ALK: variants seen among roughly 807,000 people sequenced by gnomAD.
ALK encodes the protein ALK receptor tyrosine kinase, also known as ALK tyrosine kinase receptor.
A neutral mutation model predicts 163.1 loss-of-function variants in ALK; 74 were observed. The observed-to-expected ratio is 0.45, with a 90% CI of 0.38 to 0.55. The LOEUF is 0.55. Ranked by LOEUF, ALK falls within the 20% of genes least tolerant of loss-of-function variation. The pLI, the probability that ALK is intolerant of heterozygous loss-of-function variation, is 0.00. For synonymous variants in ALK, 960 were observed against 843.2 expected, an observed-to-expected ratio of 1.14 and a Z score of -2.40; for missense variants, 2,063 against 2,105.3, an observed-to-expected ratio of 0.98 and a Z score of 0.39.
At chr2:29,380,008 T>C (rs944461639) in intron 5 of ALK, among the ~76,000 whole-genome samples, 5 of 151,970 alleles carry the variant, frequency 3.3e-5, no homozygotes, top group African/African-American at 1.2e-4. Flanking sequence ...GGGGAGGCCT[T>C]AGGAAACTTG....
In ALK at chr2:29,227,024, G is replaced by T; in HGVS notation, c.2965C>A (p.His989Asn). 1.9e-6 allele frequency: 3 copies of T among 1,614,152 alleles called. No individual in the cohort carries two copies. In the South Asian group the frequency reaches 3.3e-5, roughly 18 times the overall value. Residue 989 changes from histidine (H) to asparagine (N), a missense_variant, in exon 18 of 29, where the codon CAC (histidine) becomes AAC (asparagine). Transcript: ENST00000389048. The surrounding 1 kb of genome is among the most constrained non-coding windows in gnomAD (Gnocchi z 4.4). The stretch of plus-strand genomic sequence containing the variant: ...ATGTGACATTCGTCTACCTCACAGT[G>T]ACTGCAGTTTAGATAATGCTTAATA... ...VNIKHYLNCSHCEVDECHMDP... is the reference protein window; with the variant it reads ...VNIKHYLNCSNCEVDECHMDP...
At chr2:29,704,989 G>A (rs761632382) in intron 2 of ALK, among the ~76,000 whole-genome samples, 16 of 151,650 alleles carry the variant, frequency 1.1e-4, no homozygotes, top group Middle Eastern at 3.4e-3. Flanking sequence ...AGGCCAAGGC[G>A]GATGGATCAC....
At chr2:29,697,893 C>A (rs1678620059) in intron 2 of ALK, among the ~76,000 whole-genome samples, 1 of 152,244 alleles carries the variant, frequency 6.6e-6, no homozygotes, top group Non-Finnish European at 1.5e-5. Context: ...GATTGTCTCC[C>A]AATGGGTGTC....
intron 11 of ALK, among the ~76,000 whole-genome samples, chr2:29,255,395 G>A (rs568901581): frequency 3.5e-4 from 53 of 152,300 alleles, no homozygotes; most frequent in African/African-American, 1.3e-3. Context: ...ACAGATTCTA[G>A]GGACCTGGAG....
chr2:29,574,124 C>T (rs1476754342), intron 3 of ALK, among the ~76,000 whole-genome samples: 1 of 152,152 alleles, frequency 6.6e-6, no homozygotes, highest in African/African-American at 2.4e-5. Context: ...GTAAGTCCCA[C>T]TGCATGCAAG....
chr2:29,271,322 C>A (rs1573180102), intron 11 of ALK, among the ~76,000 whole-genome samples: 1 of 152,162 alleles, frequency 6.6e-6, no homozygotes, highest in East Asian at 1.9e-4. Context: ...CAGAAATAGA[C>A]CCAATCAATT....
At chr2:29,588,341 G>A (rs1205099081) in intron 3 of ALK, among the ~76,000 whole-genome samples, 1 of 152,018 alleles carries the variant, frequency 6.6e-6, no homozygotes. Flanking sequence ...AGCGATTCTT[G>A]CGTCTCAGCC....
chr2:29,814,863 G>C (rs1427120580), intron 1 of ALK, among the ~76,000 whole-genome samples: 1 of 151,752 alleles, frequency 6.6e-6, no homozygotes, highest in Non-Finnish European at 1.5e-5. Flanking sequence ...TGTACTTACA[G>C]TGCCTAGCAA....
intron 1 of ALK, among the ~76,000 whole-genome samples, chr2:29,788,248 A>G (rs1664094354): frequency 6.6e-6 from 1 of 152,204 alleles, no homozygotes; most frequent in Non-Finnish European, 1.5e-5. Context: ...GCCTGGCCAC[A>G]TAGCCACAGC....
intron 11 of ALK, among the ~76,000 whole-genome samples, chr2:29,258,440 A>G (rs1438445139): frequency 6.6e-6 from 1 of 152,214 alleles, no homozygotes; most frequent in Non-Finnish European, 1.5e-5. Context: ...CATTAGTTGG[A>G]ATATATTTAT....
intron 1 of ALK, among the ~76,000 whole-genome samples, chr2:29,740,593 A>G (rs775934852): frequency 1.3e-5 from 2 of 152,272 alleles, no homozygotes; most frequent in Non-Finnish European, 2.9e-5. Context: ...AATAGTGCCA[A>G]TATTAGGTGG....
chr2:29,568,918 G>C (rs535817443), intron 3 of ALK, among the ~76,000 whole-genome samples: 12 of 152,116 alleles, frequency 7.9e-5, no homozygotes, highest in African/African-American at 2.9e-4. Context: ...AGGAGGGGCT[G>C]ACAGTGCACT....
At chr2:29,348,165 G>A (rs1668007741) in intron 5 of ALK, among the ~76,000 whole-genome samples, 1 of 152,126 alleles carries the variant, frequency 6.6e-6, no homozygotes, top group African/African-American at 2.4e-5. Flanking sequence ...TGGAATGCAT[G>A]AGTTGTAGGA....
At chr2:29,769,484 C>T (rs953717583) in intron 1 of ALK, among the ~76,000 whole-genome samples, 2 of 152,124 alleles carry the variant, frequency 1.3e-5, no homozygotes, top group Admixed American at 1.3e-4. Context: ...ACAGCACCCA[C>T]CTATAAGCTC....
At chr2:29,566,257 C>T (rs879682618) in intron 3 of ALK, among the ~76,000 whole-genome samples, 15 of 152,232 alleles carry the variant, frequency 9.9e-5, no homozygotes, top group Non-Finnish European at 1.2e-4. Context: ...TTGGCCACAA[C>T]AGGCTTAGTC....
At chr2:29,854,920 G>A (rs953852413) in intron 1 of ALK, among the ~76,000 whole-genome samples, 3 of 146,582 alleles carry the variant, frequency 2.0e-5, no homozygotes, top group South Asian at 2.1e-4. Flanking sequence ...ATTTTATTGC[G>A]GTAAGAGCAC....
At chr2:29,876,281 G>T (rs914816049) in intron 1 of ALK, among the ~76,000 whole-genome samples, 1 of 152,196 alleles carries the variant, frequency 6.6e-6, no homozygotes, top group African/African-American at 2.4e-5. Flanking sequence ...TAGCAGTGAT[G>T]GTAATGATGA....
intron 4 of ALK, among the ~76,000 whole-genome samples, chr2:29,422,856 G>A (rs1670049675): frequency 6.6e-6 from 1 of 151,590 alleles, no homozygotes; most frequent in East Asian, 1.9e-4. Context: ...AACTGCTTGA[G>A]GAACAGTGCC....
At chr2:29,711,289 C>A (rs1199409008) in intron 2 of ALK, among the ~76,000 whole-genome samples, 1 of 152,126 alleles carries the variant, frequency 6.6e-6, no homozygotes, top group East Asian at 1.9e-4. Flanking sequence ...CCCTTTTGTC[C>A]AGAACACTCT....
Sources: allele counts gnomAD v4.1 joint callset (sites outside exome capture counted in the v4.1 genomes callset), GRCh38; gene constraint gnomAD v4.1.1; non-coding constraint Gnocchi (gnomAD v3.1); transcripts MANE v1.5; gene names NCBI Gene and HGNC (gene_info 2026-07-23, HGNC 2026-07-21).